SHB: variants seen among roughly 807,000 people sequenced by gnomAD.
SHB encodes the protein SH2 domain containing adaptor protein B, also known as SH2 domain-containing adapter protein B.
Under a neutral mutation model 52.3 loss-of-function variants are expected in SHB, and 20 were observed. The ratio of observed to expected loss-of-function variants is 0.38; its 90% CI spans 0.27 to 0.56. SHB has a LOEUF of 0.56. Ranked by LOEUF, SHB falls within the 20% of genes least tolerant of loss-of-function variation. The probability of loss-of-function intolerance (pLI) is 0.71; values close to 1 mark genes in which losing one functional copy is unlikely to be tolerated. For synonymous variants in SHB, 397 were observed against 316.5 expected (o/e 1.25, Z -2.70); for missense variants, 825 against 723.3 (o/e 1.14, Z -1.61).
chr9:37,972,719 T>C (rs972190259), intron 3 of SHB, among the ~76,000 whole-genome samples: 1 of 152,182 alleles, frequency 6.6e-6, no homozygotes, highest in Non-Finnish European at 1.5e-5. Context: ...AAGGGCATTT[T>C]AGCTAGAAAA....
intron 2 of SHB, among the ~76,000 whole-genome samples, chr9:37,993,431 G>A (rs776047547): frequency 1.3e-5 from 2 of 152,198 alleles, no homozygotes; most frequent in African/African-American, 2.4e-5. Flanking sequence ...CCCAGGGAGG[G>A]ATAGCATTAG....
chr9:37,979,511 G>A (rs1055396723), intron 2 of SHB, among the ~76,000 whole-genome samples: 13 of 151,996 alleles, frequency 8.6e-5, no homozygotes, highest in Non-Finnish European at 1.9e-4. Flanking sequence ...GGCTGGGGAA[G>A]AGAGCAGGCA....
At chr9:38,002,399 A>G (rs1359210935) in intron 2 of SHB, among the ~76,000 whole-genome samples, 1 of 152,204 alleles carries the variant, frequency 6.6e-6, no homozygotes, top group Non-Finnish European at 1.5e-5. Context: ...CACTCCCTGC[A>G]GAGGACCTAG....
At chr9:38,010,341 A>G (rs1200269728) in intron 2 of SHB, among the ~76,000 whole-genome samples, 2 of 152,192 alleles carry the variant, frequency 1.3e-5, no homozygotes, top group African/African-American at 4.8e-5. Context: ...ACCTCTGAGA[A>G]TTCCTAGGGC....
intron 5 of SHB, among the ~76,000 whole-genome samples, chr9:37,925,129 TATCCATCC>T (rs960664934): frequency 1.3e-5 from 2 of 152,204 alleles, no homozygotes; most frequent in Non-Finnish European, 2.9e-5. Flanking sequence ...TCCACCCATC[TATCCATCC>T]ATCCATCCAT....
At chr9:37,921,403 T>C (rs1832179217) in intron 5 of SHB, among the ~76,000 whole-genome samples, 1 of 152,210 alleles carries the variant, frequency 6.6e-6, no homozygotes, top group Non-Finnish European at 1.5e-5. Context: ...AAGTGCCCAC[T>C]CTATTAACAC....
chr9:38,040,400 G>T (rs1001135057), intron 1 of SHB, among the ~76,000 whole-genome samples: 1 of 152,212 alleles, frequency 6.6e-6, no homozygotes, highest in African/African-American at 2.4e-5. Context: ...TCCCTAAAGG[G>T]GGGGCTTGGG....
At chr9:37,949,963 G>A (rs747031108) in intron 4 of SHB, among the ~76,000 whole-genome samples, 1 of 152,076 alleles carries the variant, frequency 6.6e-6, no homozygotes, top group African/African-American at 2.4e-5. Flanking sequence ...TTGAGACAGG[G>A]TCTCACCCCG....
intron 1 of SHB, among the ~76,000 whole-genome samples, chr9:38,051,311 C>T (rs1247384107): frequency 2.6e-5 from 4 of 151,894 alleles, no homozygotes; most frequent in Non-Finnish European, 4.4e-5. Context: ...GGCATGGTGG[C>T]GCATGCCTGT....
intron 1 of SHB, among the ~76,000 whole-genome samples, chr9:38,042,786 C>T (rs533471648): frequency 2.7e-4 from 41 of 152,248 alleles, no homozygotes; most frequent in Non-Finnish European, 5.3e-4. Flanking sequence ...GCCTCGAAGT[C>T]GAATTCCTGT....
chr9:37,999,277 G>A (rs1227700413), intron 2 of SHB, among the ~76,000 whole-genome samples: 1 of 152,134 alleles, frequency 6.6e-6, no homozygotes, highest in Non-Finnish European at 1.5e-5. Flanking sequence ...GAGACTAGCA[G>A]GCGAGCTGAT....
At chr9:37,974,879 G>C in intron 2 of SHB, 42 bp from the exon 3 acceptor site, 1 of 1,506,942 alleles carries the variant, frequency 6.6e-7, no homozygotes, top group Non-Finnish European at 9.2e-7. Context: ...AATGGATACT[G>C]CACTTCCTCA....
rs1466316458 is a variant in SHB at position 38,059,593 on chromosome 9, A to T, written c.717+8336T>A. ...AAATACCAAACAGGAAGAGAAGGAAAATTCCATTGTGGAAGCAAGGTCCTC... is the reference window on the plus strand; with the variant it reads ...AAATACCAAACAGGAAGAGAAGGAATATTCCATTGTGGAAGCAAGGTCCTC... On this transcript the variant is annotated intron_variant, in intron 1 of 5. Coordinates refer to ENST00000377707, the MANE Select transcript of SHB (RefSeq NM_003028.3). Among the ~76,000 whole-genome samples, 7 of 152,338 alleles carry T rather than the reference A, an allele frequency of 4.6e-5. No homozygotes were observed. The South Asian group carries it at 1.2e-3, about 27-fold the overall frequency.
intron 1 of SHB, among the ~76,000 whole-genome samples, chr9:38,017,233 T>G (rs1821224175): frequency 6.6e-6 from 1 of 152,194 alleles, no homozygotes; most frequent in African/African-American, 2.4e-5. Flanking sequence ...GACCAAGCCC[T>G]CAGCTCCTCA....
At chr9:38,019,707 G>A (rs1234540445) in intron 1 of SHB, among the ~76,000 whole-genome samples, 2 of 152,114 alleles carry the variant, frequency 1.3e-5, no homozygotes, top group African/African-American at 2.4e-5. Flanking sequence ...CCCCAAATGC[G>A]CCAAGTTTGA....
Position 37,918,068 on chromosome 9 carries a change from C to A in SHB, c.*1753G>T, listed in dbSNP as rs1410800664. On this transcript the variant is annotated 3_prime_UTR_variant, in exon 6 of 6. Transcript: ENST00000377707. ...TGAGCTGGAACCACCTCCAAACAGT[C>A]TCTAAAGACATGAGCAGCGCTGATG... 6.6e-5 allele frequency among the ~76,000 whole-genome samples: 10 copies of A among 152,370 alleles called. No homozygotes were observed. The highest frequency in any genetic ancestry group is 2.4e-4 in the African/African-American group (10 of 41,590).
In SHB at chr9:37,953,297, C is replaced by T. The variant is rs138713488; in HGVS notation, c.1226+2586G>A. Among the ~76,000 whole-genome samples the T allele has an allele frequency of 2.8e-4, 42 of 152,284 alleles. No individual in the cohort carries two copies. In the East Asian group the frequency reaches 7.0e-3, roughly 25 times the overall value. On this transcript the variant is annotated intron_variant, in intron 4 of 5. Coordinates refer to ENST00000377707, the MANE Select transcript of SHB (RefSeq NM_003028.3). ...TTCATTCACGCAACAGCTATTTATTCAGCACCTGTTACCTGCTGGGCACTG... is the reference window on the plus strand; with the variant it reads ...TTCATTCACGCAACAGCTATTTATTTAGCACCTGTTACCTGCTGGGCACTG...
chr9:38,040,328 G>A (rs969631435), intron 1 of SHB, among the ~76,000 whole-genome samples: 1 of 152,214 alleles, frequency 6.6e-6, no homozygotes, highest in Admixed American at 6.5e-5. Context: ...GGTCCGCTGA[G>A]GGCTGTCGTG....
At chr9:37,995,840 C>G (rs1315483047) in intron 2 of SHB, among the ~76,000 whole-genome samples, 3 of 152,112 alleles carry the variant, frequency 2.0e-5, no homozygotes, top group African/African-American at 4.8e-5. Flanking sequence ...GACGGCACTC[C>G]CTTACGTTTG....
Sources: allele counts gnomAD v4.1 joint callset (sites outside exome capture counted in the v4.1 genomes callset), GRCh38; gene constraint gnomAD v4.1.1; transcripts MANE v1.5; gene names NCBI Gene and HGNC (gene_info 2026-07-23, HGNC 2026-07-21).